Variants in RBFOX1 observed in about 807,000 individuals in gnomAD.
RBFOX1 encodes RNA binding protein fox-1 homolog 1.
In RBFOX1, 8 loss-of-function variants were observed where a neutral mutation model predicts 57.7. That is an observed-to-expected ratio of 0.14 (90% CI 0.08 to 0.25). The LOEUF is 0.25. RBFOX1 is among the 10% of genes least tolerant of loss of function. The pLI is 1.00. For missense variants in RBFOX1, 611 were observed against 548.5 expected (o/e 1.11, Z -1.14); for synonymous variants, 326 against 222.4 (o/e 1.47, Z -4.15).
chr16:5,716,457 C>T (rs2051702582), intron 3 of RBFOX1, among the ~76,000 whole-genome samples: 1 of 152,234 alleles, frequency 6.6e-6, no homozygotes, highest in African/African-American at 2.4e-5. Flanking sequence ...ATGAAAAAAA[C>T]CTCAGCTTCG....
intron 4 of RBFOX1, among the ~76,000 whole-genome samples, chr16:7,251,655 A>C (rs1325439337): frequency 6.6e-6 from 1 of 152,018 alleles, no homozygotes; most frequent in African/African-American, 2.4e-5. Context: ...CCTGACCTCA[A>C]GTGATCTGCT....
intron 3 of RBFOX1, among the ~76,000 whole-genome samples, chr16:6,785,629 C>A (rs1374870404): frequency 1.3e-5 from 2 of 152,124 alleles, no homozygotes; most frequent in African/African-American, 4.8e-5. Flanking sequence ...TGCACAATAA[C>A]CATCAGAAAC....
chr16:7,450,124 G>A (rs189941416), intron 4 of RBFOX1, among the ~76,000 whole-genome samples: 2 of 152,108 alleles, frequency 1.3e-5, no homozygotes, highest in African/African-American at 2.4e-5. Flanking sequence ...GGCCGAATGC[G>A]GTGGCTCATG....
rs12598719 is a variant in RBFOX1 at position 6,812,577 on chromosome 16, G to A, written c.-16+157927G>A. ...TTTTTATTAGAGACAGGGTTTCAGC[G>A]TGTTGGCCAGACTGGTCTCAAACTC... is the stretch of plus-strand genomic sequence containing the variant. On this transcript the variant is annotated intron_variant, in intron 3 of 15. Coordinates refer to ENST00000550418, the MANE Select transcript of RBFOX1 (RefSeq NM_018723.4). Among the ~76,000 whole-genome samples, 1,104 of 151,976 alleles carry A rather than the reference G, an allele frequency of 7.3e-3. 40 individuals carry two copies. The highest frequency in any genetic ancestry group is 0.059 in the East Asian group (306 of 5,146).
At chr16:5,343,127 A>G (rs1207686510) in intron 1 of RBFOX1, among the ~76,000 whole-genome samples, 1 of 152,164 alleles carries the variant, frequency 6.6e-6, no homozygotes, top group Admixed American at 6.5e-5. Context: ...AGACATCAGT[A>G]AGGAAGCATG....
intron 3 of RBFOX1, among the ~76,000 whole-genome samples, chr16:7,002,612 T>G (rs1172932783): frequency 6.6e-6 from 1 of 152,116 alleles, no homozygotes; most frequent in Non-Finnish European, 1.5e-5. Context: ...CTCGGGAGGC[T>G]GAGGCAGGAG....
intron 4 of RBFOX1, among the ~76,000 whole-genome samples, chr16:7,110,807 A>G (rs182518264): frequency 2.6e-5 from 4 of 152,304 alleles, no homozygotes; most frequent in African/African-American, 9.6e-5. Flanking sequence ...TTAGTGACTA[A>G]AGGCTGGAAT....
chr16:6,193,120 A>G (rs540570312), intron 1 of RBFOX1, among the ~76,000 whole-genome samples: 1 of 151,938 alleles, frequency 6.6e-6, no homozygotes, highest in South Asian at 2.1e-4. Context: ...TAGTGATTTC[A>G]ATGCAAATGA....
chr16:7,004,413 C>G (rs922497194), intron 3 of RBFOX1, among the ~76,000 whole-genome samples: 5 of 152,096 alleles, frequency 3.3e-5, no homozygotes, highest in African/African-American at 9.7e-5. Flanking sequence ...CTCAGAGACC[C>G]AAGCTGGTCA....
intron 11 of RBFOX1, among the ~76,000 whole-genome samples, chr16:7,649,476 G>A (rs1255575107): frequency 6.6e-6 from 1 of 152,200 alleles, no homozygotes; most frequent in South Asian, 2.1e-4. Flanking sequence ...AGTCCAGCAT[G>A]TCTTGGCCTC....
chr16:6,865,507 A>T (rs901551553), intron 3 of RBFOX1, among the ~76,000 whole-genome samples: 1 of 152,182 alleles, frequency 6.6e-6, no homozygotes, highest in Admixed American at 6.5e-5. Flanking sequence ...TATTTAACAC[A>T]TGGTTAATGA....
intron 4 of RBFOX1, among the ~76,000 whole-genome samples, chr16:5,900,152 A>G (rs1447903079): frequency 1.3e-5 from 2 of 152,204 alleles, no homozygotes; most frequent in Non-Finnish European, 1.5e-5. Flanking sequence ...TTGTTTGGGC[A>G]GTTTATTGAC....
At chr16:7,560,745 A>C (rs920555252) in intron 5 of RBFOX1, among the ~76,000 whole-genome samples, 1 of 152,046 alleles carries the variant, frequency 6.6e-6, no homozygotes, top group Non-Finnish European at 1.5e-5. Context: ...TGGAGCCACA[A>C]ATGACATAAT....
At chr16:7,274,792 C>T (rs1202108628) in intron 4 of RBFOX1, among the ~76,000 whole-genome samples, 1 of 152,012 alleles carries the variant, frequency 6.6e-6, no homozygotes, top group Non-Finnish European at 1.5e-5. Flanking sequence ...TCCAGTGATT[C>T]TCATGGCTCA....
At chr16:7,063,155 C>T (rs117462539) in intron 4 of RBFOX1, among the ~76,000 whole-genome samples, 1 of 151,968 alleles carries the variant, frequency 6.6e-6, no homozygotes, top group Non-Finnish European at 1.5e-5. Context: ...GTTTAGGGCA[C>T]ACGCAGGGCT....
chr16:5,354,394 G>A (rs1302000812), intron 1 of RBFOX1, among the ~76,000 whole-genome samples: 1 of 152,138 alleles, frequency 6.6e-6, no homozygotes, highest in African/African-American at 2.4e-5. Flanking sequence ...AACCCAGACT[G>A]TACCACTTAT....
chr16:6,376,165 T>G (rs115144766), intron 2 of RBFOX1, among the ~76,000 whole-genome samples: 3,253 of 152,306 alleles, frequency 0.021, 142 homozygotes, highest in African/African-American at 0.073. Flanking sequence ...TCTGTGATTC[T>G]TTGACTGTTC....
At chr16:6,308,818 G>C (rs2079868510) in intron 1 of RBFOX1, among the ~76,000 whole-genome samples, 2 of 152,094 alleles carry the variant, frequency 1.3e-5, no homozygotes, top group South Asian at 4.1e-4. Flanking sequence ...AATAGATATG[G>C]GGGATGTAGA....
chr16:7,703,137 C>G (rs532295022), intron 14 of RBFOX1, among the ~76,000 whole-genome samples: 1 of 152,218 alleles, frequency 6.6e-6, no homozygotes, highest in Non-Finnish European at 1.5e-5. Context: ...TGTTGCTATG[C>G]TGTACGGTAA....
Sources: allele counts gnomAD v4.1 joint callset (sites outside exome capture counted in the v4.1 genomes callset), GRCh38; gene constraint gnomAD v4.1.1; transcripts MANE v1.5; gene names NCBI Gene and HGNC (gene_info 2026-07-23, HGNC 2026-07-21).